Variants in CDK13 observed in about 807,000 individuals in gnomAD.
CDK13 encodes the protein cyclin-dependent kinase 13.
In CDK13, 40 loss-of-function variants were observed where a neutral mutation model predicts 137.6. The ratio of observed to expected loss-of-function variants is 0.29; its 90% confidence interval spans 0.23 to 0.38. The LOEUF is 0.38. Ranked by LOEUF, CDK13 falls within the 10% of genes least tolerant of loss-of-function variation. CDK13 has a pLI of 1.00. For synonymous variants in CDK13, 869 were observed against 760.1 expected, an observed-to-expected ratio of 1.14 and a Z score of -2.36; for missense variants, 1,704 against 1,951.8, an observed-to-expected ratio of 0.87 and a Z score of 2.39.
intron 5 of CDK13, among the ~76,000 whole-genome samples, chr7:40,036,439 G>A (rs1785485193): frequency 6.6e-6 from 1 of 152,156 alleles, no homozygotes; most frequent in Non-Finnish European, 1.5e-5. Context: ...AGGTGTGGTG[G>A]CAGGTACCTG....
intron 11 of CDK13, 65 bp downstream of exon 11, chr7:40,078,916 T>C: frequency 1.7e-6 from 1 of 575,870 alleles, no homozygotes; most frequent in Non-Finnish European, 2.4e-6. Flanking sequence ...TAAAACAGTT[T>C]TAATAACATA....
intron 1 of CDK13, among the ~76,000 whole-genome samples, chr7:39,957,661 G>A (rs752472436): frequency 9.9e-5 from 15 of 152,206 alleles, no homozygotes; most frequent in Non-Finnish European, 1.9e-4. Flanking sequence ...GATGCTGGGA[G>A]TCACTTTAGT....
At chr7:40,078,195 T>C (rs1786588556) in intron 10 of CDK13, 74 bp downstream of exon 10, 4 of 753,530 alleles carry the variant, frequency 5.3e-6, no homozygotes, top group Non-Finnish European at 8.7e-6. Context: ...TAAATGTTAG[T>C]CTATTCTCTA....
At chr7:40,012,426 A>C (rs1379228244) in intron 5 of CDK13, among the ~76,000 whole-genome samples, 1 of 151,882 alleles carries the variant, frequency 6.6e-6, no homozygotes, top group Non-Finnish European at 1.5e-5. Flanking sequence ...TAGCAAGACC[A>C]CATCTCCTCA....
chr7:39,955,537 C>T (rs1787380784), intron 1 of CDK13, among the ~76,000 whole-genome samples: 1 of 152,016 alleles, frequency 6.6e-6, no homozygotes, highest in Admixed American at 6.6e-5. Flanking sequence ...GGGCGCTGGC[C>T]ACCTCACATA....
intron 1 of CDK13, among the ~76,000 whole-genome samples, chr7:39,968,776 G>A (rs966531531): frequency 1.3e-5 from 2 of 152,112 alleles, no homozygotes; most frequent in African/African-American, 2.4e-5. Context: ...GATTGCTTTG[G>A]CCATTTGGGA....
chr7:40,062,760 T>C, intron 7 of CDK13, 66 bp from the exon 8 acceptor site: 1 of 1,125,858 alleles, frequency 8.9e-7, no homozygotes, highest in South Asian at 1.3e-5. Context: ...AAAATAATAT[T>C]TCCTCAGAGA....
intron 9 of CDK13, chr7:40,073,251 A>G (rs1786461929): frequency 6.6e-6 from 1 of 152,210 alleles, no homozygotes; most frequent in Non-Finnish European, 1.5e-5. Flanking sequence ...GAATTCTAAC[A>G]TGGGTTATAT....
chr7:40,071,069 G>C (rs1003033042), intron 9 of CDK13: 2 of 152,144 alleles, frequency 1.3e-5, no homozygotes, highest in African/African-American at 4.8e-5. Flanking sequence ...AAAGGAATTA[G>C]ATTTTGGTTG....
intron 5 of CDK13, among the ~76,000 whole-genome samples, chr7:40,005,672 A>G (rs1333082323): frequency 6.6e-6 from 1 of 152,164 alleles, no homozygotes; most frequent in Non-Finnish European, 1.5e-5. Flanking sequence ...TCACCAAGTC[A>G]TGGGTATATT....
At chr7:39,997,196 C>T (rs1784582579) in intron 2 of CDK13, among the ~76,000 whole-genome samples, 1 of 152,066 alleles carries the variant, frequency 6.6e-6, no homozygotes, top group Non-Finnish European at 1.5e-5. Context: ...TATCTTACAT[C>T]AGTATGGTAC....
Position 39,988,015 on chromosome 7 carries a change from T to C in CDK13, c.1628T>C (p.Leu543Pro). ...GACAAAGCAAAAACAAAGCCACCTCTTCAGGTAACGAAGGTGGAAAATAAT... is the reference window on the plus strand; with the variant it reads ...GACAAAGCAAAAACAAAGCCACCTCCTCAGGTAACGAAGGTGGAAAATAAT... ...KNDKAKTKPP[L>P]QVTKVENNLI... is the part of the protein sequence containing the mutation. The change falls in exon 2 of 14, where the codon CTT (leucine) becomes CCT (proline). Residue 543 changes from leucine to proline, a missense_variant. Coordinates refer to ENST00000181839, the MANE Select transcript of CDK13 (RefSeq NM_003718.5). 3 of 1,614,112 alleles carry C rather than the reference T, an allele frequency of 1.9e-6. No individual in the cohort carries two copies. The highest frequency in any genetic ancestry group is 2.5e-6 in the Non-Finnish European group (3 of 1,179,984).
chr7:40,065,684 C>CT (rs1786265204), intron 9 of CDK13, among the ~76,000 whole-genome samples: 1 of 151,950 alleles, frequency 6.6e-6, no homozygotes, highest in African/African-American at 2.4e-5. Flanking sequence ...CTTAAATATA[C>CT]TACTAAATAA....
intron 5 of CDK13, among the ~76,000 whole-genome samples, chr7:40,022,284 A>G (rs1457290873): frequency 6.6e-6 from 1 of 152,110 alleles, no homozygotes; most frequent in Non-Finnish European, 1.5e-5. Flanking sequence ...TTTCATTGCT[A>G]CTGCCCCCAT....
chr7:40,040,009 C>CTTT (rs751184920), intron 5 of CDK13, among the ~76,000 whole-genome samples: 3 of 133,516 alleles, frequency 2.2e-5, no homozygotes, highest in Admixed American at 7.4e-5. Context: ...GATTCATTTG[C>CTTT]TTTTTTTTTT....
chr7:39,966,784 G>T (rs901754711), intron 1 of CDK13, among the ~76,000 whole-genome samples: 3 of 152,006 alleles, frequency 2.0e-5, no homozygotes, highest in Non-Finnish European at 2.9e-5. Context: ...GTACAGATGG[G>T]GTTTTGGTGT....
intron 13 of CDK13, 99 bp from the exon 14 acceptor site, chr7:40,094,031 C>G (rs1786986260): frequency 2.9e-6 from 4 of 1,379,990 alleles, no homozygotes; most frequent in Non-Finnish European, 3.9e-6. Context: ...GATGGAACTT[C>G]TAATCATCTT....
At chr7:40,067,825 T>C (rs1316336680) in intron 9 of CDK13, 2 of 152,318 alleles carry the variant, frequency 1.3e-5, no homozygotes, top group African/African-American at 4.8e-5. Context: ...CTGGGCATGG[T>C]GGCTCATGCC....
In CDK13 at chr7:39,976,323, T is replaced by TCTCACACACACACACACACACA; in HGVS notation, c.1212-11275_1212-11274insTCACACACACACACACACACAC. On this transcript the variant is annotated intron_variant, in intron 1 of 13. Transcript: ENST00000181839. ...CTCTCTCTCTCTCTCTCTCTCTCTC[T>TCTCACACACACACACACACACA]CACACACACACACACACACACACAC... is the stretch of plus-strand genomic sequence containing the variant. Among the ~76,000 whole-genome samples the TCTCACACACACACACACACACA allele has an allele frequency of 1.6e-3, 62 of 39,568 alleles. 1 individual carries two copies. The highest frequency in any genetic ancestry group is 0.017 in the Middle Eastern group (1 of 60). The allele number at this position is 39,568 out of a possible 152,430, so 26.0% of individuals were successfully genotyped here. A position where few individuals can be genotyped will look rare whatever the true frequency, so the allele number is the denominator to read the frequency against.
Sources: allele counts gnomAD v4.1 joint callset (sites outside exome capture counted in the v4.1 genomes callset), GRCh38; gene constraint gnomAD v4.1.1; transcripts MANE v1.5; gene names NCBI Gene and HGNC (gene_info 2026-07-23, HGNC 2026-07-21).